BCCIP: variants seen among roughly 807,000 people sequenced by gnomAD.
BCCIP encodes BRCA2 and CDKN1A-interacting protein.
In BCCIP, 23 loss-of-function variants were observed where a neutral mutation model predicts 32.8. The observed-to-expected ratio is 0.70, with a 90% CI of 0.51 to 0.99. The LOEUF is 0.99. BCCIP is among the 50% of genes least tolerant of loss of function. The probability of loss-of-function intolerance (pLI) is 0.00; values close to 1 mark genes in which losing one functional copy is unlikely to be tolerated. For synonymous variants in BCCIP, 144 were observed against 137.6 expected (o/e 1.05, Z -0.33); for missense variants, 378 against 379.8 (o/e 1.00, Z 0.04).
downstream of BCCIP, among the ~76,000 whole-genome samples, chr10:125,845,379 G>A (rs1944003860): frequency 6.6e-6 from 1 of 152,128 alleles, no homozygotes; most frequent in African/African-American, 2.4e-5. Flanking sequence ...TCCTCTCAAG[G>A]TAGCTGACAT....
downstream of BCCIP, among the ~76,000 whole-genome samples, chr10:125,846,220 T>C (rs1944017510): frequency 1.3e-5 from 2 of 152,190 alleles, no homozygotes; most frequent in Admixed American, 6.5e-5. Context: ...CCCCAGGTTT[T>C]TGTAGTGGTG....
At chr10:125,840,014 T>C (rs780343585), downstream of BCCIP, among the ~76,000 whole-genome samples, 2 of 152,250 alleles carry the variant, frequency 1.3e-5, no homozygotes, top group African/African-American at 4.8e-5. Flanking sequence ...CCCTGTTCTT[T>C]ATACAATTCT....
Position 125,827,259 on chromosome 10 carries a change from T to A in BCCIP, c.241-299T>A, listed in dbSNP as rs768094213. Among the ~76,000 whole-genome samples, 6 of 152,146 alleles carry A rather than the reference T, an allele frequency of 3.9e-5. No homozygotes were observed. The South Asian group carries it at 8.3e-4, about 21-fold the overall frequency. Reference sequence around the variant, plus strand: ...AATATGACTTTGGTTCTTTAGCCTTTATAGCTCTACCGTCTTTTTCACCAA... The same window carrying A: ...AATATGACTTTGGTTCTTTAGCCTTAATAGCTCTACCGTCTTTTTCACCAA... On this transcript the variant is annotated intron_variant, in intron 2 of 6. Transcript: ENST00000278100.
chr10:125,842,437 T>C (rs1164117265), exon 7 of BCCIP: 1 of 152,800 alleles, frequency 6.5e-6, no homozygotes, highest in Non-Finnish European at 1.5e-5. Flanking sequence ...ACACAGGACC[T>C]AGGGTAGGGC....
At chr10:125,840,396 GCCTACCTATT>G (rs1390724752), downstream of BCCIP, among the ~76,000 whole-genome samples, 7 of 152,208 alleles carry the variant, frequency 4.6e-5, no homozygotes, top group Non-Finnish European at 5.9e-5. Flanking sequence ...CAGCACCCCA[GCCTACCTATT>G]CTGCACTAGT....
chr10:125,832,193 A>G (rs1854536660), intron 5 of BCCIP, among the ~76,000 whole-genome samples: 1 of 151,632 alleles, frequency 6.6e-6, no homozygotes, highest in Non-Finnish European at 1.5e-5. Context: ...ATTTATTTCT[A>G]TCTAATTTAA....
At chr10:125,835,376 C>CA (rs1554894079) in intron 6 of BCCIP, among the ~76,000 whole-genome samples, 3 of 151,904 alleles carry the variant, frequency 2.0e-5, no homozygotes, top group Non-Finnish European at 4.4e-5. Context: ...GTCAGGAGAT[C>CA]AGACCATCCT....
chr10:125,843,730 C>T (rs566483181), downstream of BCCIP, among the ~76,000 whole-genome samples: 16 of 152,294 alleles, frequency 1.1e-4, no homozygotes, highest in African/African-American at 3.6e-4. Context: ...AGGGAAGCTG[C>T]GATGCAGCCT....
chr10:125,840,620 G>C (rs563320704), downstream of BCCIP, among the ~76,000 whole-genome samples: 33 of 152,374 alleles, frequency 2.2e-4, no homozygotes, highest in Middle Eastern at 3.4e-3. Flanking sequence ...TGGAGCTCTG[G>C]AAGTACAGGC....
downstream of BCCIP, chr10:125,836,998 C>T (rs1854711782): frequency 1.5e-5 from 10 of 688,326 alleles, no homozygotes; most frequent in East Asian, 5.5e-5. Flanking sequence ...TATCTCAGTC[C>T]GACTTTGTAA....
rs565755104 is a variant in BCCIP, at chr10:125,827,482, T to G, written c.241-76T>G. On this transcript the variant is annotated intron_variant, in intron 2 of 6. Transcript: ENST00000278100. ...TAAGTCACAGAAATTTCATTGTTTG[T>G]ATTTGAATATAGGATTTGAAGTTAT... 4 of 1,007,156 alleles carry G rather than the reference T, an allele frequency of 4.0e-6. No homozygotes were observed. In the South Asian group the frequency reaches 4.6e-5, roughly 12 times the overall value. The allele number at this position is 1,007,156 out of a possible 1,614,324, so 62.4% of individuals were successfully genotyped here. A position where few individuals can be genotyped will look rare whatever the true frequency, so the allele number is the denominator to read the frequency against.
chr10:125,835,124 C>T (rs1255065188), intron 6 of BCCIP, among the ~76,000 whole-genome samples: 1 of 151,026 alleles, frequency 6.6e-6, no homozygotes, highest in Non-Finnish European at 1.5e-5. Flanking sequence ...CAGAGCGAGA[C>T]TCTGTCTCAG....
chr10:125,838,443 A>G, downstream of BCCIP: 1 of 1,434,392 alleles, frequency 7.0e-7, no homozygotes, highest in Non-Finnish European at 9.3e-7. Context: ...AGATCATTAT[A>G]CAAAGATGTT....
downstream of BCCIP, chr10:125,836,742 TC>T (rs772571642): frequency 8.7e-6 from 14 of 1,614,092 alleles, no homozygotes; most frequent in African/African-American, 1.3e-4. Flanking sequence ...CATTTGCTGT[TC>T]CTTATTCATT....
At chr10:125,838,486 G>T, downstream of BCCIP, 2 of 1,165,282 alleles carry the variant, frequency 1.7e-6, no homozygotes, top group Non-Finnish European at 2.3e-6. Flanking sequence ...TTTTATACGG[G>T]ATAGTTAAAA....
chr10:125,836,700 C>T, downstream of BCCIP: 1 of 1,614,030 alleles, frequency 6.2e-7, no homozygotes, highest in Non-Finnish European at 8.5e-7. Flanking sequence ...CTGGAGAGTG[C>T]ATCTCTGTTC....
chr10:125,852,520 A>T, intron 7 of BCCIP: 2 of 1,613,106 alleles, frequency 1.2e-6, no homozygotes. Flanking sequence ...GACAACATTT[A>T]GTATTTGTGT....
chr10:125,827,511 A>G, intron 2 of BCCIP, 47 bp from the exon 3 acceptor site: 1 of 1,275,472 alleles, frequency 7.8e-7, no homozygotes, highest in Non-Finnish European at 1.1e-6. Flanking sequence ...AAGTTATTAG[A>G]AATCATGCTT....
At chr10:125,840,756 G>A (rs147949255), downstream of BCCIP, 26 of 1,406,246 alleles carry the variant, frequency 1.8e-5, no homozygotes, top group African/African-American at 2.9e-5. Context: ...TAGGGCTGGC[G>A]AAGAATGTTT....
Sources: allele counts gnomAD v4.1 joint callset (sites outside exome capture counted in the v4.1 genomes callset), GRCh38; gene constraint gnomAD v4.1.1; transcripts MANE v1.5; gene names NCBI Gene and HGNC (gene_info 2026-07-23, HGNC 2026-07-21).